Variants in GADL1 observed in about 807,000 individuals in gnomAD.
The protein encoded by GADL1 is acidic amino acid decarboxylase GADL1.
Under a neutral mutation model 69.5 loss-of-function variants are expected in GADL1, and 71 were observed. The ratio of observed to expected loss-of-function variants is 1.02; its 90% CI spans 0.84 to 1.25. The LOEUF (loss-of-function observed/expected upper bound fraction) is 1.25, where lower values mean the gene tolerates loss of function less well. Ranked by LOEUF, GADL1 falls within the 50% of genes most tolerant of loss-of-function variation. GADL1 has a pLI of 0.00. For synonymous variants in GADL1, 254 were observed against 214.4 expected (o/e 1.18, Z -1.62); for missense variants, 737 against 631.8 (o/e 1.17, Z -1.79).
intron 11 of GADL1, among the ~76,000 whole-genome samples, chr3:30,825,951 C>T (rs940289576): frequency 1.3e-5 from 2 of 151,708 alleles, no homozygotes; most frequent in Non-Finnish European, 1.5e-5. Context: ...GCCTTGTTGC[C>T]GTGAGTTAAT....
rs1472527346 is a variant in GADL1 at position 30,734,519 on chromosome 3, G to A, written c.1393-6104C>T. Among the ~76,000 whole-genome samples, 5 of 152,136 alleles carry A rather than the reference G, an allele frequency of 3.3e-5. No individual in the cohort carries two copies. The East Asian group carries it at 7.7e-4, about 23-fold the overall frequency. On this transcript the variant is annotated intron_variant, in intron 14 of 14. Coordinates refer to ENST00000282538, the MANE Select transcript of GADL1 (RefSeq NM_207359.3). ...TGTAACCTCCATGTTAGCCAGGCAG[G>A]TTGTTACTAAATGAACAGCTGTTGA...
chr3:30,793,996 T>G (rs942002186), intron 12 of GADL1, among the ~76,000 whole-genome samples: 10 of 152,218 alleles, frequency 6.6e-5, no homozygotes, highest in African/African-American at 2.4e-4. Context: ...ACGTGCTCTA[T>G]TCTACTGTAA....
At chr3:30,729,720 ATAT>A (rs1199194307) in intron 14 of GADL1, among the ~76,000 whole-genome samples, 1 of 152,192 alleles carries the variant, frequency 6.6e-6, no homozygotes, top group Non-Finnish European at 1.5e-5. Flanking sequence ...ACCTCTGAAG[ATAT>A]TATGTGTTGA....
intron 1 of GADL1, among the ~76,000 whole-genome samples, chr3:30,886,869 C>T (rs549239101): frequency 7.9e-5 from 12 of 152,250 alleles, no homozygotes; most frequent in Non-Finnish European, 1.2e-4. Context: ...ATTGGAGCTT[C>T]GGTCACAAAT....
chr3:30,783,797 C>T (rs1320134567), intron 13 of GADL1, among the ~76,000 whole-genome samples: 2 of 152,170 alleles, frequency 1.3e-5, no homozygotes, highest in Non-Finnish European at 2.9e-5. Flanking sequence ...AAAATCCCAC[C>T]TTAGCTTTCA....
chr3:30,779,503 T>C (rs1240304744), intron 13 of GADL1, among the ~76,000 whole-genome samples: 2 of 152,212 alleles, frequency 1.3e-5, no homozygotes, highest in Non-Finnish European at 2.9e-5. Context: ...CAAACATCTA[T>C]TGAGACTACA....
intron 1 of GADL1, among the ~76,000 whole-genome samples, chr3:30,867,453 T>C (rs1054088925): frequency 6.8e-6 from 1 of 148,010 alleles, no homozygotes; most frequent in Non-Finnish European, 1.5e-5. Flanking sequence ...CATATATGTA[T>C]ATATATACAT....
intron 14 of GADL1, among the ~76,000 whole-genome samples, chr3:30,777,626 C>A (rs530042491): frequency 6.6e-6 from 1 of 152,188 alleles, no homozygotes; most frequent in Non-Finnish European, 1.5e-5. Context: ...GGGGCCTCTC[C>A]TCACACGGTA....
intron 14 of GADL1, among the ~76,000 whole-genome samples, chr3:30,772,517 A>AC (rs1696439726): frequency 1.3e-5 from 2 of 152,256 alleles, no homozygotes; most frequent in African/African-American, 4.8e-5. Context: ...TCAATATCTG[A>AC]CCACTATAAG....
intron 1 of GADL1, among the ~76,000 whole-genome samples, chr3:30,882,117 C>T (rs1698651250): frequency 6.6e-6 from 1 of 150,786 alleles, no homozygotes; most frequent in African/African-American, 2.5e-5. Context: ...ACTTTTCTAT[C>T]CTTAAAATAT....
intron 1 of GADL1, among the ~76,000 whole-genome samples, chr3:30,887,660 T>G (rs1039253543): frequency 3.3e-5 from 5 of 152,140 alleles, no homozygotes; most frequent in Admixed American, 2.6e-4. Context: ...TAAGAGGCAG[T>G]CTTCAGGAAA....
intron 14 of GADL1, among the ~76,000 whole-genome samples, chr3:30,773,788 A>G (rs1470370023): frequency 6.6e-6 from 1 of 152,170 alleles, no homozygotes. Context: ...AACTTAATAC[A>G]TTTTTAGAAA....
intron 14 of GADL1, among the ~76,000 whole-genome samples, chr3:30,734,376 A>G (rs1163806763): frequency 6.6e-6 from 1 of 152,178 alleles, no homozygotes; most frequent in Non-Finnish European, 1.5e-5. Context: ...TCTGACCATA[A>G]ATATGAACTG....
intron 11 of GADL1, among the ~76,000 whole-genome samples, chr3:30,821,683 T>C (rs1361161789): frequency 6.6e-6 from 1 of 151,764 alleles, no homozygotes; most frequent in Non-Finnish European, 1.5e-5. Context: ...CCAGTGGAAG[T>C]TTTTTAAACT....
chr3:30,780,516 TTGA>T (rs1209761734), intron 13 of GADL1, among the ~76,000 whole-genome samples: 5 of 152,198 alleles, frequency 3.3e-5, no homozygotes, highest in Non-Finnish European at 7.3e-5. Flanking sequence ...CTAATAATTA[TTGA>T]TATTACACTT....
intron 12 of GADL1, chr3:30,800,677 A>C: frequency 1.7e-6 from 1 of 574,248 alleles, no homozygotes; most frequent in Non-Finnish European, 3.1e-6. Flanking sequence ...TGCTCTGTTC[A>C]TAATTCCTAA....
chr3:30,790,569 T>C (rs1696893042), intron 12 of GADL1, among the ~76,000 whole-genome samples: 1 of 152,158 alleles, frequency 6.6e-6, no homozygotes, highest in African/African-American at 2.4e-5. Flanking sequence ...TGTTTCCCAA[T>C]GATACCAGAA....
chr3:30,851,525 G>T (rs1282970131), intron 4 of GADL1, among the ~76,000 whole-genome samples: 1 of 152,156 alleles, frequency 6.6e-6, no homozygotes, highest in Non-Finnish European at 1.5e-5. Flanking sequence ...AATGAAGGAT[G>T]TGTTGCTCCG....
chr3:30,775,388 A>G (rs917119812), intron 14 of GADL1, among the ~76,000 whole-genome samples: 1 of 152,238 alleles, frequency 6.6e-6, no homozygotes, highest in Non-Finnish European at 1.5e-5. Context: ...TGCTTTAAGT[A>G]CACTACAGGT....
Sources: gnomAD v4.1 joint callset for allele counts (sites outside exome capture counted in the v4.1 genomes callset) on GRCh38, gnomAD v4.1.1 for gene constraint, MANE v1.5 for transcripts, NCBI Gene and HGNC (gene_info 2026-07-23, HGNC 2026-07-21) for gene names.